SETD1B: variants seen among roughly 807,000 people sequenced by gnomAD.
SETD1B encodes SET domain containing 1B, histone lysine methyltransferase.
A neutral mutation model predicts 148.0 loss-of-function variants in SETD1B; 7 were observed. The ratio of observed to expected loss-of-function variants is 0.05; its 90% CI spans 0.03 to 0.09. The LOEUF (loss-of-function observed/expected upper bound fraction) is 0.09. Among genes scored for constraint, SETD1B ranks in the 10% least tolerant of loss-of-function variants. The pLI is 1.00. For synonymous variants in SETD1B, 1,361 were observed against 1,186.5 expected (o/e 1.15, Z -3.02); for missense variants, 2,155 against 2,729.9 (o/e 0.79, Z 4.69).
chr12:121,803,965 G>A (rs1875553252), upstream of SETD1B: 2 of 158,444 alleles, frequency 1.3e-5, no homozygotes, highest in Non-Finnish European at 2.8e-5. The surrounding 1 kb of genome is among the most constrained non-coding windows in gnomAD (Gnocchi z 4.7). Context: ...AGGAGGAGGA[G>A]GAAGAGGAGG....
At chr12:121,821,685 A>G (rs987114685) in intron 11 of SETD1B, among the ~76,000 whole-genome samples, 14 of 151,266 alleles carry the variant, frequency 9.3e-5, no homozygotes, top group African/African-American at 3.4e-4. Context: ...TGGGAGGAGG[A>G]GGTTGCAGTG....
At chr12:121,825,116 T>G in intron 12 of SETD1B, 84 bp from the exon 13 acceptor site, 1 of 1,364,910 alleles carries the variant, frequency 7.3e-7, no homozygotes, top group Non-Finnish European at 1.0e-6. Flanking sequence ...CCCTGAAGGG[T>G]GGTCTGAGGA....
chr12:121,827,459 A>C, intron 13 of SETD1B, 60 bp from the exon 14 acceptor site: 3 of 1,473,646 alleles, frequency 2.0e-6, no homozygotes, highest in Admixed American at 2.3e-5. Context: ...TCCAGAGCCT[A>C]GGGTGGGACC....
chr12:121,814,978 A>G, intron 7 of SETD1B, 48 bp downstream of exon 7: 2 of 1,473,034 alleles, frequency 1.4e-6, no homozygotes, highest in Non-Finnish European at 1.8e-6. Flanking sequence ...GGAGGGGGGC[A>G]GGTCCCCAGC....
At chr12:121,822,256 G>C (rs1242578921) in intron 11 of SETD1B, among the ~76,000 whole-genome samples, 1 of 152,100 alleles carries the variant, frequency 6.6e-6, no homozygotes, top group Non-Finnish European at 1.5e-5. Context: ...ATGAAAGGCT[G>C]GAATACATGT....
chr12:121,808,490 G>T lies in SETD1B; in HGVS notation c.657+170G>T, dbSNP rs1875855655. 6.6e-6 allele frequency among the ~76,000 whole-genome samples: 1 copy of T among 152,196 alleles called. No individual in the cohort carries two copies. Among genetic ancestry groups the T allele is most frequent in the Non-Finnish European group, 1.5e-5 (1 of 68,024 alleles). Reference sequence around the variant, plus strand: ...AAGCCTGGCCACGCCCCCCACAATTGGGAGCAGGGCCTAGAGCCCCATTTT... The same window carrying T: ...AAGCCTGGCCACGCCCCCCACAATTTGGAGCAGGGCCTAGAGCCCCATTTT... On this transcript the variant is annotated intron_variant, in intron 5 of 16. Transcript: ENST00000604567. The surrounding 1 kb of genome is among the most constrained non-coding windows in gnomAD (Gnocchi z 5.3).
chr12:121,796,481 G>A, the SETD1B span, among the ~76,000 whole-genome samples: 1 of 152,226 alleles, frequency 6.6e-6, no homozygotes, highest in Admixed American at 6.5e-5. Context: ...TGAGGCTGGA[G>A]GCAACGCTGT....
chr12:121,822,901 G>A lies in SETD1B; in HGVS notation c.4322G>A (p.Gly1441Glu). The change falls in exon 12 of 17, where the codon GGG becomes GAG. Residue 1441 changes from glycine to glutamate, a missense_variant. By Grantham distance (98) the Gly-to-Glu change is moderately conservative (BLOSUM62 -2). This residue lies in a region of SETD1B where 862 missense variants were observed against 873.8 expected (regional missense o/e 0.99). Transcript: ENST00000604567. Reference protein sequence around the residue: ...SFTPTFSEPSGPLLLPVCPLP... With the variant: ...SFTPTFSEPSEPLLLPVCPLP... Reference sequence around the variant, plus strand: ...ACACCCACCTTCTCCGAGCCCAGCGGGCCCTTGCTCCTGCCCGTCTGCCCA... The same window carrying A: ...ACACCCACCTTCTCCGAGCCCAGCGAGCCCTTGCTCCTGCCCGTCTGCCCA... 6 of 1,499,012 alleles carry A rather than the reference G, an allele frequency of 4.0e-6. No individual in the cohort carries two copies. Among genetic ancestry groups the A allele is most frequent in the Non-Finnish European group, 5.4e-6 (6 of 1,119,706 alleles). The allele number at this position is 1,499,012 out of a possible 1,614,324, so 92.9% of individuals were successfully genotyped here. A position where few individuals can be genotyped will look rare whatever the true frequency, so the allele number is the denominator to read the frequency against.
chr12:121,805,724 C>A lies in SETD1B; in HGVS notation c.274-111C>A. ...TTTTTTTAATTTTTAGTTTTTTTAC[C>A]CTTTATTGTTTTCAACGGGTGGGCG... On this transcript the variant is annotated intron_variant, in intron 3 of 16. Transcript: ENST00000604567. This position sits in a 1 kb window ranked among gnomAD's most constrained non-coding sequence, Gnocchi z 4.2. 9.6e-7 allele frequency: 1 copy of A among 1,045,734 alleles called. No homozygotes were observed. The highest frequency in any genetic ancestry group is 1.3e-6 in the Non-Finnish European group (1 of 756,414). The allele number at this position is 1,045,734 out of a possible 1,614,324, so 64.8% of individuals were successfully genotyped here.
chr12:121,813,541 G>C lies in SETD1B; in HGVS notation c.1891-565G>C, dbSNP rs745592837. Among the ~76,000 whole-genome samples, 51 of 152,258 alleles carry C rather than the reference G, an allele frequency of 3.3e-4. 2 individuals are homozygous for C. Among genetic ancestry groups the C allele is most frequent in the Admixed American group, 9.2e-4 (14 of 15,290 alleles). On this transcript the variant is annotated intron_variant, in intron 6 of 16. Coordinates refer to ENST00000604567, the MANE Select transcript of SETD1B (RefSeq NM_001353345.2). ...CTCTGTGCCCCAGTTTCCTCGTGGG[G>C]CAAAAATGGAGTTGAAAATAGGGCT...
rs1208383411 is a variant in SETD1B at position 121,817,341 on chromosome 12, C to T, written c.2978-29C>T. On this transcript the variant is annotated intron_variant, in intron 8 of 16. Transcript: ENST00000604567. This position sits in a 1 kb window ranked among gnomAD's most constrained non-coding sequence, Gnocchi z 8.1. ...GTCCCCTTCTTCCGCATCCCCCCAGCCCAGCTCTGACTCCCTCCCTTCCTG... is the reference window on the plus strand; with the variant it reads ...GTCCCCTTCTTCCGCATCCCCCCAGTCCAGCTCTGACTCCCTCCCTTCCTG... The T allele has an allele frequency of 3.3e-6, 5 of 1,535,856 alleles. No individual in the cohort carries two copies. In the Admixed American group the frequency reaches 9.9e-5, roughly 31 times the overall value.
At position 121,816,709 on chromosome 12, in the gene SETD1B, C is replaced by T. The variant is rs796125074; in HGVS notation, c.2716-324C>T. On this transcript the variant is annotated intron_variant, in intron 7 of 16. Coordinates refer to ENST00000604567, the MANE Select transcript of SETD1B (RefSeq NM_001353345.2). ...GAAGAGAAAATGGGATAGTGTAAAT[C>T]TTACCTTGTGAAGGTGGTGTTGCAC... 6.6e-5 allele frequency among the ~76,000 whole-genome samples: 10 copies of T among 152,234 alleles called. 1 individual carries two copies. In the South Asian group the frequency reaches 1.4e-3, roughly 22 times the overall value.
intron 13 of SETD1B, among the ~76,000 whole-genome samples, chr12:121,826,875 G>A (rs1876866797): frequency 6.6e-6 from 1 of 152,020 alleles, no homozygotes; most frequent in South Asian, 2.1e-4. Flanking sequence ...CTGGGAAGCT[G>A]GACACCAGGC....
At chr12:121,790,423 C>T in the SETD1B span, among the ~76,000 whole-genome samples, 5 of 152,274 alleles carry the variant, frequency 3.3e-5, no homozygotes, top group Non-Finnish European at 7.3e-5. Flanking sequence ...GGCCGCCTGG[C>T]CATGGCTTTC....
Position 121,817,482 on chromosome 12 carries a change from C to T in SETD1B, c.3090C>T (p.Asp1030=), listed in dbSNP as rs1592983292. 6.4e-7 allele frequency: 1 copy of T among 1,550,800 alleles called. No homozygotes were observed. Among genetic ancestry groups the T allele is most frequent in the Middle Eastern group, 1.7e-4 (1 of 5,988 alleles). ...RRRPARPLEL[D]SGGEEDEKES... ...GGCCGGCGCGGCCTCTGGAGCTGGA[C>T]AGTGGTGGGGAGGAGGACGAGAAGG... Residue 1030 remains aspartate, a synonymous_variant, in exon 9 of 17, where the codon GAC becomes GAT. Coordinates refer to ENST00000604567, the MANE Select transcript of SETD1B (RefSeq NM_001353345.2). The surrounding 1 kb of genome is among the most constrained non-coding windows in gnomAD (Gnocchi z 8.1).
chr12:121,820,766 C>G (rs1177373059), intron 11 of SETD1B, among the ~76,000 whole-genome samples: 1 of 152,210 alleles, frequency 6.6e-6, no homozygotes, highest in Non-Finnish European at 1.5e-5. Context: ...ATCTCCTGAC[C>G]TCATGATCCA....
At chr12:121,803,499 G>C (rs1394142197), upstream of SETD1B, 1 of 151,948 alleles carries the variant, frequency 6.6e-6, no homozygotes, top group Non-Finnish European at 1.5e-5. The surrounding 1 kb of genome is among the most constrained non-coding windows in gnomAD (Gnocchi z 4.7). Flanking sequence ...AGGGGGTCGC[G>C]GGCCGCAGGA....
At chr12:121,828,478 A>G (rs1231218691) in intron 16 of SETD1B, among the ~76,000 whole-genome samples, 1 of 152,250 alleles carries the variant, frequency 6.6e-6, no homozygotes. Context: ...GCTGTGGGTT[A>G]GCCACATGTG....
intron 7 of SETD1B, 71 bp downstream of exon 7, chr12:121,815,001 C>G: frequency 7.3e-7 from 1 of 1,367,480 alleles, no homozygotes; most frequent in South Asian, 1.4e-5. Flanking sequence ...GGCACCTCCT[C>G]TTTCCCTGAG....
Sources: gnomAD v4.1 joint callset for allele counts (sites outside exome capture counted in the v4.1 genomes callset) on GRCh38, gnomAD v4.1.1 for gene constraint, gnomAD v4.1.1 regional missense constraint, Gnocchi (gnomAD v3.1) non-coding constraint, MANE v1.5 for transcripts, NCBI Gene and HGNC (gene_info 2026-07-23, HGNC 2026-07-21) for gene names.